The following CENPW variants were observed in gnomAD, a reference collection of about 807,000 sequenced individuals.
CENPW encodes centromere protein W.
CENPW carries 3 observed loss-of-function variants against 11.1 expected under a neutral mutation model. The ratio of observed to expected loss-of-function variants is 0.27; its 90% CI spans 0.12 to 0.70. The LOEUF is 0.70. Ranked by LOEUF, CENPW falls within the 30% of genes least tolerant of loss-of-function variation. The pLI, the probability that CENPW is intolerant of heterozygous loss-of-function variation, is 0.77. For missense variants in CENPW, 100 were observed against 105.6 expected, an observed-to-expected ratio of 0.95 and a Z score of 0.23; for synonymous variants, 38 against 42.0, an observed-to-expected ratio of 0.91 and a Z score of 0.37.
the CENPW span, among the ~76,000 whole-genome samples, chr6:126,460,618 A>T: frequency 6.6e-6 from 1 of 151,772 alleles, no homozygotes; most frequent in East Asian, 1.9e-4. Context: ...ACTAGTGTTA[A>T]CGAAAACCAG....
chr6:126,434,253 A>T, the CENPW span, among the ~76,000 whole-genome samples: 2 of 152,208 alleles, frequency 1.3e-5, no homozygotes, highest in East Asian at 3.9e-4. Context: ...CAAACTCAGC[A>T]GGCCAAATCC....
At chr6:126,461,450 CTAAG>C in the CENPW span, among the ~76,000 whole-genome samples, 2 of 151,858 alleles carry the variant, frequency 1.3e-5, no homozygotes, top group Non-Finnish European at 2.9e-5. Flanking sequence ...TTACTGAAGG[CTAAG>C]TGTGTCCCAA....
the CENPW span, among the ~76,000 whole-genome samples, chr6:126,412,117 G>T: frequency 3.5e-5 from 2 of 56,990 alleles, no homozygotes; most frequent in Non-Finnish European, 6.7e-5. Context: ...CTCCCAAGCA[G>T]CTGGGACTAT....
chr6:126,396,051 C>T, the CENPW span, among the ~76,000 whole-genome samples: 16 of 152,218 alleles, frequency 1.1e-4, no homozygotes, highest in South Asian at 2.5e-3. Flanking sequence ...ACTGCTTTTG[C>T]TCACTCAAGA....
At chr6:126,356,058 A>G in the CENPW span, among the ~76,000 whole-genome samples, 1 of 152,166 alleles carries the variant, frequency 6.6e-6, no homozygotes, top group Non-Finnish European at 1.5e-5. Context: ...TGATGCTGTC[A>G]CAAACTACAC....
the CENPW span, among the ~76,000 whole-genome samples, chr6:126,467,414 G>C: frequency 2.6e-5 from 4 of 152,004 alleles, no homozygotes; most frequent in South Asian, 2.1e-4. Flanking sequence ...ACTCAATAAC[G>C]GTGCTGGGAA....
the CENPW span, among the ~76,000 whole-genome samples, chr6:126,398,523 T>A: frequency 6.6e-6 from 1 of 152,284 alleles, no homozygotes; most frequent in Admixed American, 6.5e-5. Context: ...ACACATCCTC[T>A]GATATACCTT....
the CENPW span, among the ~76,000 whole-genome samples, chr6:126,446,576 T>C: frequency 6.6e-6 from 1 of 151,110 alleles, no homozygotes; most frequent in Non-Finnish European, 1.5e-5. Flanking sequence ...GTAGACTGTC[T>C]CTTCTAAAAT....
chr6:126,472,483 A>T, the CENPW span, among the ~76,000 whole-genome samples: 5 of 152,194 alleles, frequency 3.3e-5, no homozygotes, highest in Non-Finnish European at 7.3e-5. Context: ...TGGTGCATGT[A>T]TCAATAGTTC....
the CENPW span, among the ~76,000 whole-genome samples, chr6:126,382,217 A>ACT: frequency 1.4e-3 from 207 of 152,180 alleles, no homozygotes; most frequent in Non-Finnish European, 1.0e-3. Flanking sequence ...AGCCTGGGTG[A>ACT]CGAGCGAAAA....
the CENPW span, among the ~76,000 whole-genome samples, chr6:126,443,942 A>T: frequency 6.6e-6 from 1 of 151,172 alleles, no homozygotes; most frequent in Admixed American, 6.6e-5. Context: ...TAAAATGCAT[A>T]TAAAGTCCTT....
chr6:126,445,509 T>C, the CENPW span, among the ~76,000 whole-genome samples: 1 of 151,204 alleles, frequency 6.6e-6, no homozygotes, highest in African/African-American at 2.4e-5. Context: ...TAACAATCAT[T>C]TTGCATATTT....
chr6:126,365,044 G>A, the CENPW span, among the ~76,000 whole-genome samples: 8 of 152,224 alleles, frequency 5.3e-5, no homozygotes, highest in East Asian at 1.5e-3. Context: ...GTAGACACAA[G>A]GATTTAAGAT....
At chr6:126,468,348 A>T in the CENPW span, among the ~76,000 whole-genome samples, 2 of 138,796 alleles carry the variant, frequency 1.4e-5, no homozygotes, top group African/African-American at 5.3e-5. Context: ...TGAACCCAAG[A>T]GGCAGAGGTT....
At chr6:126,398,622 AC>A in the CENPW span, among the ~76,000 whole-genome samples, 3 of 152,008 alleles carry the variant, frequency 2.0e-5, no homozygotes, top group South Asian at 6.2e-4. Context: ...CAGTTCTATT[AC>A]TTTTATTTAA....
chr6:126,379,997 A>G, the CENPW span, among the ~76,000 whole-genome samples: 2 of 152,192 alleles, frequency 1.3e-5, no homozygotes, highest in Admixed American at 1.3e-4. Context: ...TGATAAATTG[A>G]ATCAAGCTTC....
chr6:126,361,412 C>A, the CENPW span, among the ~76,000 whole-genome samples: 1 of 152,070 alleles, frequency 6.6e-6, no homozygotes, highest in Non-Finnish European at 1.5e-5. Flanking sequence ...CTTTCTTCCT[C>A]AACCTCCAGG....
chr6:126,433,580 G>A, the CENPW span, among the ~76,000 whole-genome samples: 3 of 152,154 alleles, frequency 2.0e-5, no homozygotes, highest in Admixed American at 2.0e-4. Flanking sequence ...TGGAGAATAT[G>A]TTCAGCAGGG....
the CENPW span, among the ~76,000 whole-genome samples, chr6:126,394,312 GT>G: frequency 4.0e-5 from 6 of 150,830 alleles, no homozygotes; most frequent in African/African-American, 1.5e-4. Context: ...ATGTTTTTAG[GT>G]TTGAGATTAC....
Sources: allele counts gnomAD v4.1 joint callset (sites outside exome capture counted in the v4.1 genomes callset), GRCh38; gene constraint gnomAD v4.1.1; transcripts MANE v1.5; gene names NCBI Gene and HGNC (gene_info 2026-07-23, HGNC 2026-07-21).